DLGAP2: variants seen among roughly 807,000 people sequenced by gnomAD.
DLGAP2 encodes DLG associated protein 2.
A neutral mutation model predicts 100.3 loss-of-function variants in DLGAP2; 26 were observed. The observed-to-expected ratio is 0.26, with a 90% CI of 0.19 to 0.36. The LOEUF is 0.36. Among genes scored for constraint, DLGAP2 ranks in the 10% least tolerant of loss-of-function variants. The probability of loss-of-function intolerance (pLI) is 1.00; values close to 1 mark genes in which losing one functional copy is unlikely to be tolerated. For synonymous variants in DLGAP2, 886 were observed against 630.1 expected, an observed-to-expected ratio of 1.41 and a Z score of -6.08; for missense variants, 1,858 against 1,453.2, an observed-to-expected ratio of 1.28 and a Z score of -4.53.
intron 1 of DLGAP2, among the ~76,000 whole-genome samples, chr8:777,315 C>T (rs1172578466): frequency 1.3e-5 from 2 of 151,694 alleles, no homozygotes; most frequent in Non-Finnish European, 3.0e-5. Context: ...ATTTGCCAGT[C>T]TGTGTCTTTT....
intron 4 of DLGAP2, among the ~76,000 whole-genome samples, chr8:1,523,917 A>G (rs1167674411): frequency 6.6e-6 from 1 of 152,202 alleles, no homozygotes; most frequent in African/African-American, 2.4e-5. Context: ...AGGGCCTGAG[A>G]TAATCTTAAG....
At chr8:979,125 T>G (rs1427662349) in intron 2 of DLGAP2, among the ~76,000 whole-genome samples, 1 of 152,170 alleles carries the variant, frequency 6.6e-6, no homozygotes, top group Non-Finnish European at 1.5e-5. Context: ...CGAGTGCAGT[T>G]CTTGAATCCA....
intron 2 of DLGAP2, among the ~76,000 whole-genome samples, chr8:1,173,459 T>C (rs1797176623): frequency 6.6e-6 from 1 of 152,180 alleles, no homozygotes. Flanking sequence ...TGCTGTCTTT[T>C]TGTTTGTCTG....
At chr8:1,219,103 G>A (rs1798268713) in intron 2 of DLGAP2, among the ~76,000 whole-genome samples, 1 of 152,124 alleles carries the variant, frequency 6.6e-6, no homozygotes. Context: ...CTATCTGAAT[G>A]CTTTCTATTT....
chr8:1,285,899 A>C (rs1241171849), intron 3 of DLGAP2, among the ~76,000 whole-genome samples: 1 of 152,228 alleles, frequency 6.6e-6, no homozygotes, highest in Non-Finnish European at 1.5e-5. Context: ...TTGAGGCTGC[A>C]CTGAGCTGTG....
At chr8:1,056,789 A>G (rs1267428752) in intron 2 of DLGAP2, among the ~76,000 whole-genome samples, 1 of 152,232 alleles carries the variant, frequency 6.6e-6, no homozygotes, top group East Asian at 1.9e-4. Flanking sequence ...GTAAAATGGG[A>G]ATTCCAGCAC....
chr8:1,662,845 T>C (rs1245077229), intron 8 of DLGAP2, among the ~76,000 whole-genome samples: 1 of 150,364 alleles, frequency 6.7e-6, no homozygotes, highest in Middle Eastern at 3.2e-3. Flanking sequence ...GGGGAATGTG[T>C]GCCTGTGTGT....
chr8:1,419,513 T>A (rs1161290104), intron 3 of DLGAP2, among the ~76,000 whole-genome samples: 1 of 151,730 alleles, frequency 6.6e-6, no homozygotes, highest in Non-Finnish European at 1.5e-5. Flanking sequence ...TATTTTTGGT[T>A]GACTGATAGT....
chr8:1,243,226 C>T (rs1036821727), intron 2 of DLGAP2, among the ~76,000 whole-genome samples: 1 of 152,192 alleles, frequency 6.6e-6, no homozygotes, highest in African/African-American at 2.4e-5. Context: ...TTCAGAGAGC[C>T]TGCAGGCCCC....
At chr8:1,510,550 C>T (rs1800125475) in intron 4 of DLGAP2, among the ~76,000 whole-genome samples, 2 of 152,222 alleles carry the variant, frequency 1.3e-5, no homozygotes, top group Admixed American at 6.5e-5. Flanking sequence ...CTGCCTCCCA[C>T]CTGTCACTCT....
At chr8:1,180,737 GAGTC>G (rs1245130016) in intron 2 of DLGAP2, among the ~76,000 whole-genome samples, 3 of 151,320 alleles carry the variant, frequency 2.0e-5, no homozygotes, top group African/African-American at 7.3e-5. Flanking sequence ...ACTTACCATT[GAGTC>G]TGTGTGGGTG....
intron 2 of DLGAP2, among the ~76,000 whole-genome samples, chr8:1,024,305 C>T (rs1171786968): frequency 7.1e-6 from 1 of 140,890 alleles, no homozygotes; most frequent in East Asian, 2.1e-4. Context: ...CAGTCCCGTG[C>T]CGAGGCAGAC....
At chr8:1,601,064 G>A (rs2472112) in intron 6 of DLGAP2, among the ~76,000 whole-genome samples, 1 of 152,056 alleles carries the variant, frequency 6.6e-6, no homozygotes. Context: ...TGGTGTAGAC[G>A]TCCTTTTTAT....
chr8:791,982 A>C (rs937466955), intron 1 of DLGAP2, among the ~76,000 whole-genome samples: 3 of 152,234 alleles, frequency 2.0e-5, no homozygotes. Flanking sequence ...TGCAGCTGTC[A>C]CTGCGTTAAG....
At chr8:1,658,528 T>C (rs1260972476) in intron 8 of DLGAP2, among the ~76,000 whole-genome samples, 1 of 152,204 alleles carries the variant, frequency 6.6e-6, no homozygotes, top group African/African-American at 2.4e-5. Flanking sequence ...GAACTTGTTA[T>C]TGCTCTATTC....
chr8:1,223,047 C>T (rs1798347138), intron 2 of DLGAP2, among the ~76,000 whole-genome samples: 1 of 152,190 alleles, frequency 6.6e-6, no homozygotes, highest in African/African-American at 2.4e-5. Flanking sequence ...ACTCCTTGGG[C>T]ACTTCTCCCT....
chr8:1,054,203 C>T (rs1462862803), intron 2 of DLGAP2, among the ~76,000 whole-genome samples: 1 of 149,574 alleles, frequency 6.7e-6, no homozygotes, highest in African/African-American at 2.5e-5. Context: ...CACGCACACA[C>T]AGATCCACAC....
rs868452831 is a variant in DLGAP2, at chr8:946,318, C to T, written c.73+38352C>T. On this transcript the variant is annotated intron_variant, in intron 2 of 14. Coordinates refer to ENST00000637795, the MANE Select transcript of DLGAP2 (RefSeq NM_001346810.2). The stretch of plus-strand genomic sequence containing the variant: ...TCACTCTGTCATCCAGGCTGGAGTG[C>T]AGTGGTGCGATCTGGGCTCATTGCA... Among the ~76,000 whole-genome samples, 202 of 150,108 alleles carry T rather than the reference C, an allele frequency of 1.3e-3. 1 individual carries two copies. Among genetic ancestry groups the T allele is most frequent in the African/African-American group, 4.8e-3 (195 of 40,566 alleles).
Position 1,633,098 on chromosome 8 carries a change from G to A in DLGAP2, c.1810+52G>A. ...CAGCGGGGACTCTAGAGGCATACCT[G>A]TCTTCATCCTAGAAGGAGCGAGCAG... On this transcript the variant is annotated intron_variant, in intron 8 of 14. Transcript: ENST00000637795. The A allele has an allele frequency of 1.9e-6, 3 of 1,583,788 alleles. No homozygotes were observed. The South Asian group carries it at 3.3e-5, about 18-fold the overall frequency.
Sources: allele counts gnomAD v4.1 joint callset (sites outside exome capture counted in the v4.1 genomes callset), GRCh38; gene constraint gnomAD v4.1.1; transcripts MANE v1.5; gene names NCBI Gene and HGNC (gene_info 2026-07-23, HGNC 2026-07-21).